Variants in IMPACT observed in about 807,000 individuals in gnomAD.
IMPACT encodes the protein impact RWD domain protein.
In IMPACT, 35 loss-of-function variants were observed where a neutral mutation model predicts 47.5. That is an observed-to-expected ratio of 0.74 (90% CI 0.56 to 0.98). The LOEUF is 0.98. Ranked by LOEUF, IMPACT falls within the 50% of genes least tolerant of loss-of-function variation. IMPACT has a pLI of 0.00. For synonymous variants in IMPACT, 118 were observed against 125.6 expected (o/e 0.94, Z 0.40); for missense variants, 373 against 394.8 (o/e 0.94, Z 0.47).
intron 6 of IMPACT, 36 bp from the exon 7 acceptor site, chr18:24,443,013 G>A (rs775909565): frequency 6.1e-6 from 7 of 1,153,900 alleles, no homozygotes; most frequent in South Asian, 4.0e-5. Flanking sequence ...TGAATGTAAG[G>A]CTTTTTAAAA....
At position 24,437,940 on chromosome 18, in the gene IMPACT, C is replaced by A; in HGVS notation, c.282-15C>A. On this transcript the variant is annotated splice_polypyrimidine_tract_variant and intron_variant, in intron 4 of 10. Coordinates refer to ENST00000284202, the MANE Select transcript of IMPACT (RefSeq NM_018439.4). ...TTGAAATAACAATTTTTTTTTTCCC[C>A]TGAATTTTGTTTAGTCAGAATATCG... 7.4e-7 allele frequency: 1 copy of A among 1,358,196 alleles called. No homozygotes were observed. Among genetic ancestry groups the A allele is most frequent in the Non-Finnish European group, 1.0e-6 (1 of 971,004 alleles). 84.1% of individuals were successfully genotyped at this position (1,358,196 alleles called of 1,614,324 possible). A position where few individuals can be genotyped will look rare whatever the true frequency, so the allele number is the denominator to read the frequency against.
chr18:24,430,154 A>G (rs975396845), intron 3 of IMPACT, among the ~76,000 whole-genome samples, 168 bp from the exon 4 acceptor site: 4 of 152,182 alleles, frequency 2.6e-5, no homozygotes, highest in Non-Finnish European at 5.9e-5. Flanking sequence ...GGCTGAATGA[A>G]TTAATGCTAA....
intron 9 of IMPACT, among the ~76,000 whole-genome samples, chr18:24,449,154 AGT>A (rs2144350573): frequency 6.6e-6 from 1 of 152,314 alleles, no homozygotes; most frequent in East Asian, 1.9e-4. Flanking sequence ...TGAGCCCAGG[AGT>A]TCGAAACCAG....
rs1198215520 is a variant in IMPACT, at chr18:24,451,478, G to C, written c.*631G>C. ...GCATAAATATTATGCTTCAGTTTCT[G>C]TTGCAAATTGGTGATTGTGAAATTA... On this transcript the variant is annotated 3_prime_UTR_variant, in exon 11 of 11. Transcript: ENST00000284202. 6.6e-6 allele frequency: 1 copy of C among 152,166 alleles called. No homozygotes were observed. The highest frequency in any genetic ancestry group is 2.1e-4 in the South Asian group (1 of 4,830). 9.4% of individuals were successfully genotyped at this position (152,166 alleles called of 1,614,324 possible).
chr18:24,440,688 G>A, intron 6 of IMPACT, 70 bp downstream of exon 6: 1 of 1,288,820 alleles, frequency 7.8e-7, no homozygotes, highest in Non-Finnish European at 1.0e-6. Context: ...TCTTTGAGAT[G>A]ATAGAGAAAT....
chr18:24,433,239 C>CCGGACTG (rs1908807675), intron 4 of IMPACT, among the ~76,000 whole-genome samples: 2 of 121,384 alleles, frequency 1.6e-5, no homozygotes, highest in South Asian at 2.9e-4. Context: ...GTCGCCCAGG[C>CCGGACTG]CGGACTGCGG....
chr18:24,426,784 C>T lies in IMPACT; in HGVS notation c.28C>T (p.Gln10Ter), dbSNP rs1283023781. Residue 10 changes from glutamine (Q) to a stop codon, truncating the protein, a stop_gained, in exon 1 of 11, where the codon CAG becomes TAG. Coordinates refer to ENST00000284202, the MANE Select transcript of IMPACT (RefSeq NM_018439.4). LOFTEE classifies it high-confidence loss of function. Reference protein sequence around the residue: MAEGDAGSDQRQNEEIEAMA... With the variant: MAEGDAGSD ...GGCTGAGGGGGACGCAGGGAGCGACCAGAGGCAGGTGAGGCCCCGGCGGGG... is the reference window on the plus strand; with the variant it reads ...GGCTGAGGGGGACGCAGGGAGCGACTAGAGGCAGGTGAGGCCCCGGCGGGG... 8.1e-7 allele frequency: 1 copy of T among 1,241,000 alleles called. No individual in the cohort carries two copies. The highest frequency in any genetic ancestry group is 1.0e-6 in the Non-Finnish European group (1 of 989,336). The allele number at this position is 1,241,000 out of a possible 1,614,324, so 76.9% of individuals were successfully genotyped here.
chr18:24,445,821 A>G (rs190515010), intron 8 of IMPACT, among the ~76,000 whole-genome samples: 9 of 152,172 alleles, frequency 5.9e-5, no homozygotes, highest in African/African-American at 2.2e-4. Flanking sequence ...GCTGTAAAAT[A>G]TTTGAGATGC....
rs1379325003 is a variant in IMPACT, at chr18:24,451,549, T to C, written c.*702T>C. The C allele has an allele frequency of 1.3e-5, 2 of 152,208 alleles. No individual in the cohort carries two copies. Among genetic ancestry groups the C allele is most frequent in the Non-Finnish European group, 2.9e-5 (2 of 68,040 alleles). The allele number at this position is 152,208 out of a possible 1,614,324, so 9.4% of individuals were successfully genotyped here. ...TGCTTTTTTTGTTTAATTCTTGTAA[T>C]GTAAGCAATAAATATGGAGTGTCAG... On this transcript the variant is annotated 3_prime_UTR_variant, in exon 11 of 11. Coordinates refer to ENST00000284202, the MANE Select transcript of IMPACT (RefSeq NM_018439.4).
Position 24,448,144 on chromosome 18 carries a change from G to C in IMPACT, c.720G>C (p.Gly240=). 6.2e-7 allele frequency: 1 copy of C among 1,613,484 alleles called. No homozygotes were observed. The change falls in exon 9 of 11, where the codon GGG becomes GGC. Residue 240 remains glycine, a synonymous_variant. Coordinates refer to ENST00000284202, the MANE Select transcript of IMPACT (RefSeq NM_018439.4). ...TCTTACAGGATTGTGAGGATGATGG[G>C]GAAACAGCAGCTGGTGGGCGTCTTC... ...QTFLQDCEDD[G]ETAAGGRLLH...
rs35543338 is a variant in IMPACT, at chr18:24,433,184, C to CTTT, written c.281+2824_281+2826dup. Among the ~76,000 whole-genome samples the CTTT allele has an allele frequency of 5.6e-3, 457 of 81,118 alleles. 30 individuals carry two copies. Among genetic ancestry groups the CTTT allele is most frequent in the East Asian group, 0.013 (29 of 2,258 alleles). The allele number at this position is 81,118 out of a possible 152,430, so 53.2% of individuals were successfully genotyped here. A position where few individuals can be genotyped will look rare whatever the true frequency, so the allele number is the denominator to read the frequency against. ...AGAAATACACATCTTACTTTTAAAA[C>CTTT]TTTTTTTTTTTTTTTTTTTTTTTTT... On this transcript the variant is annotated intron_variant, in intron 4 of 10. Transcript: ENST00000284202.
intron 7 of IMPACT, among the ~76,000 whole-genome samples, chr18:24,444,825 T>G (rs1909207342): frequency 6.6e-6 from 1 of 152,370 alleles, no homozygotes; most frequent in Admixed American, 6.5e-5. Flanking sequence ...TCCTGTACTT[T>G]TATTTGCTAA....
At chr18:24,443,223 C>A in intron 7 of IMPACT, 71 bp downstream of exon 7, 4 of 673,308 alleles carry the variant, frequency 5.9e-6, no homozygotes, top group East Asian at 2.9e-5. Context: ...TGCAATAATC[C>A]CCTTGTTTTT....
At position 24,426,691 on chromosome 18, in the gene IMPACT, C is replaced by T. The variant is rs1227758065; in HGVS notation, c.-66C>T. The stretch of plus-strand genomic sequence containing the variant: ...CCGCAGCCAGCTCTCGGCTCGCAGC[C>T]GCAGCGCCCCGCCCCCGCGCTCCGG... On this transcript the variant is annotated 5_prime_UTR_variant, in exon 1 of 11. Coordinates refer to ENST00000284202, the MANE Select transcript of IMPACT (RefSeq NM_018439.4). The T allele has an allele frequency of 3.4e-6, 4 of 1,177,216 alleles. No individual in the cohort carries two copies. The highest frequency in any genetic ancestry group is 4.3e-6 in the Non-Finnish European group (4 of 936,628). The allele number at this position is 1,177,216 out of a possible 1,614,324, so 72.9% of individuals were successfully genotyped here.
rs1192447265 is a variant in IMPACT at position 24,453,514 on chromosome 18, A to G, written c.*2667A>G. The G allele has an allele frequency of 6.6e-6, 1 of 152,084 alleles. No homozygotes were observed. Among genetic ancestry groups the G allele is most frequent in the Admixed American group, 6.5e-5 (1 of 15,278 alleles). 9.4% of individuals were successfully genotyped at this position (152,084 alleles called of 1,614,324 possible). Reference sequence around the variant, plus strand: ...GTTAACATTTTCCATGTCAATAAATATTCTTCTATGGCTTAAATGTCTTAT... The same window carrying G: ...GTTAACATTTTCCATGTCAATAAATGTTCTTCTATGGCTTAAATGTCTTAT... On this transcript the variant is annotated 3_prime_UTR_variant, in exon 11 of 11. Coordinates refer to ENST00000284202, the MANE Select transcript of IMPACT (RefSeq NM_018439.4).
In IMPACT at chr18:24,430,771, G is replaced by A. The variant is rs111366221; in HGVS notation, c.281+387G>A. Among the ~76,000 whole-genome samples the A allele has an allele frequency of 4.0e-4, 61 of 152,126 alleles. 1 individual carries two copies. The highest frequency in any genetic ancestry group is 1.4e-3 in the African/African-American group (59 of 41,508). ...TTAAAAAAAAGTTATTTGCTAAAAG[G>A]ATCTTAATGAAAAAAACAAAAACAC... On this transcript the variant is annotated intron_variant, in intron 4 of 10. Coordinates refer to ENST00000284202, the MANE Select transcript of IMPACT (RefSeq NM_018439.4).
chr18:24,428,031 G>A lies in IMPACT; in HGVS notation c.149G>A (p.Trp50Ter). The change falls in exon 2 of 11, where the codon TGG becomes TAG. Residue 50 changes from tryptophan to a stop codon, truncating the protein, a stop_gained. Coordinates refer to ENST00000284202, the MANE Select transcript of IMPACT (RefSeq NM_018439.4). LOFTEE classifies it high-confidence loss of function. ...RISDDIDDPK[W>*]TLCLQVMLPN... The stretch of plus-strand genomic sequence containing the variant: ...AGCGACGATATAGATGACCCCAAAT[G>A]GACACTTTGCTTGCAGGTACTTTTT... The A allele has an allele frequency of 6.3e-7, 1 of 1,578,570 alleles. No individual in the cohort carries two copies. Among genetic ancestry groups the A allele is most frequent in the Non-Finnish European group, 8.6e-7 (1 of 1,168,414 alleles).
intron 4 of IMPACT, among the ~76,000 whole-genome samples, chr18:24,435,768 GTT>G (rs1177744580): frequency 6.6e-6 from 1 of 152,150 alleles, no homozygotes; most frequent in African/African-American, 2.4e-5. Flanking sequence ...TTGAGTTATT[GTT>G]GAGTTTGCAA....
At chr18:24,442,794 A>T (rs1357708201) in intron 6 of IMPACT, among the ~76,000 whole-genome samples, 1 of 152,164 alleles carries the variant, frequency 6.6e-6, no homozygotes, top group Admixed American at 6.5e-5. Context: ...GTCCCAACCC[A>T]CTGCTTCCCC....
Sources: allele counts gnomAD v4.1 joint callset (sites outside exome capture counted in the v4.1 genomes callset), GRCh38; gene constraint gnomAD v4.1.1; transcripts MANE v1.5; gene names NCBI Gene and HGNC (gene_info 2026-07-23, HGNC 2026-07-21).